C2CD3: variants seen among roughly 807,000 people sequenced by gnomAD.
The protein encoded by C2CD3 is C2 domain containing 3 centriole elongation regulator.
A neutral mutation model predicts 234.0 loss-of-function variants in C2CD3; 148 were observed. The ratio of observed to expected loss-of-function variants is 0.63; its 90% CI spans 0.55 to 0.72. The LOEUF is 0.72. Among genes scored for constraint, C2CD3 ranks in the 30% least tolerant of loss-of-function variants. The pLI is 0.00. For synonymous variants in C2CD3, 1,000 were observed against 1,035.4 expected, an observed-to-expected ratio of 0.97 and a Z score of 0.66; for missense variants, 2,577 against 2,811.5, an observed-to-expected ratio of 0.92 and a Z score of 1.89.
At chr11:74,108,603 C>T (rs1956623363) in intron 12 of C2CD3, among the ~76,000 whole-genome samples, 2 of 152,240 alleles carry the variant, frequency 1.3e-5, no homozygotes, top group Admixed American at 6.5e-5. Flanking sequence ...TAGCCTGTAT[C>T]AATATAGCTA....
At chr11:74,157,523 G>GT (rs1205376979) in intron 3 of C2CD3, among the ~76,000 whole-genome samples, 5 of 151,722 alleles carry the variant, frequency 3.3e-5, no homozygotes, top group Admixed American at 6.6e-5. Flanking sequence ...TAAATGTTAA[G>GT]TTTTTTTTCA....
chr11:74,170,196 T>C (rs1857077891), intron 1 of C2CD3, among the ~76,000 whole-genome samples: 1 of 152,148 alleles, frequency 6.6e-6, no homozygotes, highest in African/African-American at 2.4e-5. Flanking sequence ...CTATCACACC[T>C]GTCATTCCCC....
intron 24 of C2CD3, among the ~76,000 whole-genome samples, chr11:74,061,295 G>C (rs981692737): frequency 1.1e-3 from 167 of 152,238 alleles, no homozygotes; most frequent in African/African-American, 3.8e-3. Flanking sequence ...GATACTCCTC[G>C]AGAAGAGCAA....
chr11:74,113,383 GC>G (rs1956809224), intron 11 of C2CD3: 1 of 212,094 alleles, frequency 4.7e-6, no homozygotes, highest in African/African-American at 2.4e-5. Flanking sequence ...TGGTTGCACA[GC>G]CTTGAAAATA....
intron 18 of C2CD3, among the ~76,000 whole-genome samples, chr11:74,093,214 T>C (rs1435176254): frequency 2.0e-5 from 3 of 151,836 alleles, no homozygotes; most frequent in Admixed American, 6.6e-5. Context: ...TTGTCGGTGG[T>C]GCAGATGTAA....
chr11:74,040,914 ACACACACACACG>A (rs1479422063), intron 29 of C2CD3, among the ~76,000 whole-genome samples: 1 of 151,176 alleles, frequency 6.6e-6, no homozygotes, highest in Non-Finnish European at 1.5e-5. Context: ...ACACGCACAC[ACACACACACACG>A]CACACACACA....
chr11:74,077,309 T>C (rs993052231), intron 23 of C2CD3, among the ~76,000 whole-genome samples: 1 of 152,140 alleles, frequency 6.6e-6, no homozygotes, highest in Non-Finnish European at 1.5e-5. Flanking sequence ...CTAAGCACTA[T>C]GTTAAATGCA....
intron 3 of C2CD3, among the ~76,000 whole-genome samples, chr11:74,159,080 T>G (rs1420493706): frequency 6.6e-6 from 1 of 152,164 alleles, no homozygotes; most frequent in Non-Finnish European, 1.5e-5. Flanking sequence ...AAGATTATAA[T>G]AAGGTTGAAA....
chr11:74,048,291 A>C lies in C2CD3; in HGVS notation c.5409T>G (p.Ala1803=), dbSNP rs1265796295. 1 of 1,613,724 alleles carries C rather than the reference A, an allele frequency of 6.2e-7. No homozygotes were observed. Among genetic ancestry groups the C allele is most frequent in the Non-Finnish European group, 8.5e-7 (1 of 1,179,834 alleles). ...PFSFPASDTY[A]AFSSHMARQT... ...GCCTTGCCATGTGGCTGGAGAATGC[A>C]GCATACGTATCAGAGGCAGGGAAGG... The change falls in exon 28 of 33, where the codon GCT becomes GCG. Residue 1803 remains alanine, a synonymous_variant. Coordinates refer to ENST00000334126, the MANE Select transcript of C2CD3 (RefSeq NM_001286577.2).
chr11:74,084,970 G>T lies in C2CD3; in HGVS notation c.3911C>A (p.Ala1304Glu). 6.3e-7 allele frequency: 1 copy of T among 1,599,106 alleles called. No individual in the cohort carries two copies. The highest frequency in any genetic ancestry group is 8.6e-7 in the Non-Finnish European group (1 of 1,167,504). The change falls in exon 22 of 33, where the codon GCA becomes GAA. Residue 1304 changes from alanine to glutamate, a missense_variant and splice_region_variant. Physicochemically the swap from Ala to Glu is moderately radical, Grantham distance 107. Transcript: ENST00000334126. Reference sequence around the variant, plus strand: ...TGACTCAATACTGATTATATCACTTGCTGTTAAATCAAGCAAAAAAGAAAA... The same window carrying T: ...TGACTCAATACTGATTATATCACTTTCTGTTAAATCAAGCAAAAAAGAAAA... ...FAVYHENTKS[A>E]SDIISIESCK...
At chr11:74,133,128 T>C (rs1957734504) in intron 6 of C2CD3, among the ~76,000 whole-genome samples, 156 bp from the exon 7 acceptor site, 1 of 152,178 alleles carries the variant, frequency 6.6e-6, no homozygotes. Flanking sequence ...GCAAAGCTCT[T>C]TCCTACAGTA....
intron 11 of C2CD3, among the ~76,000 whole-genome samples, chr11:74,109,990 A>C (rs1956685866): frequency 1.4e-5 from 2 of 147,148 alleles, no homozygotes; most frequent in Non-Finnish European, 3.0e-5. Flanking sequence ...CTAAGGCAGG[A>C]GAGTGGCGTG....
Position 74,080,781 on chromosome 11 carries a change from G to A in C2CD3, c.4001-2064C>T, listed in dbSNP as rs180729787. On this transcript the variant is annotated intron_variant, in intron 22 of 32. Transcript: ENST00000334126. Reference sequence around the variant, plus strand: ...AAGGAAGGAAATTGAGGTATCCTACGTACCTAGCCCTGTGCCAAGATCTTT... The same window carrying A: ...AAGGAAGGAAATTGAGGTATCCTACATACCTAGCCCTGTGCCAAGATCTTT... Among the ~76,000 whole-genome samples the A allele has an allele frequency of 3.2e-3, 490 of 152,158 alleles. 3 individuals carry two copies. The Middle Eastern group carries it at 0.034, about 11-fold the overall frequency.
chr11:74,100,568 C>G lies in C2CD3; in HGVS notation c.2689G>C (p.Gly897Arg), dbSNP rs771221676. 6.2e-7 allele frequency: 1 copy of G among 1,613,858 alleles called. No individual in the cohort carries two copies. The highest frequency in any genetic ancestry group is 8.5e-7 in the Non-Finnish European group (1 of 1,179,904). Residue 897 changes from glycine to arginine, a missense_variant, in exon 15 of 33, where the codon GGG becomes CGG. Physicochemically the swap from Gly to Arg is moderately radical, Grantham distance 125. Transcript: ENST00000334126. ...TGGTGGAGGGGAAGTTTCACCAGCCCGAGCAGCTTGTCCTGTCCTGGGCTC... is the reference window on the plus strand; with the variant it reads ...TGGTGGAGGGGAAGTTTCACCAGCCGGAGCAGCTTGTCCTGTCCTGGGCTC... The part of the protein sequence containing the change: ...VRSPGQDKLL[G>R]LVKLPLHQFY...
intron 24 of C2CD3, among the ~76,000 whole-genome samples, chr11:74,068,681 G>A (rs776170681): frequency 5.9e-5 from 9 of 152,036 alleles, no homozygotes; most frequent in African/African-American, 9.7e-5. Context: ...ACTGGGCCTC[G>A]GTTTTCTCAT....
intron 3 of C2CD3, among the ~76,000 whole-genome samples, chr11:74,157,185 A>C (rs929437646): frequency 6.6e-6 from 1 of 152,262 alleles, no homozygotes; most frequent in Non-Finnish European, 1.5e-5. Context: ...AATAGACTAT[A>C]ACTTTAATAT....
chr11:74,080,181 C>A (rs1218760138), intron 22 of C2CD3, among the ~76,000 whole-genome samples: 3 of 152,044 alleles, frequency 2.0e-5, no homozygotes, highest in African/African-American at 7.2e-5. Flanking sequence ...CAATTTTCTG[C>A]GAAATGTTTT....
intron 7 of C2CD3, among the ~76,000 whole-genome samples, chr11:74,123,522 C>T (rs934583048): frequency 2.0e-5 from 3 of 151,974 alleles, no homozygotes; most frequent in Non-Finnish European, 4.4e-5. Context: ...TATTATATAT[C>T]GATTTTGCAA....
chr11:74,079,351 G>A lies in C2CD3; in HGVS notation c.4001-634C>T, dbSNP rs192497797. 1.4e-4 allele frequency among the ~76,000 whole-genome samples: 21 copies of A among 152,112 alleles called. No individual in the cohort carries two copies. In the East Asian group the frequency reaches 3.7e-3, roughly 27 times the overall value. On this transcript the variant is annotated intron_variant, in intron 22 of 32. Coordinates refer to ENST00000334126, the MANE Select transcript of C2CD3 (RefSeq NM_001286577.2). ...TGAGAATATAGGACTATATGCATGT[G>A]CTACCACGCCTGGCCATTTTCCAAA... is the stretch of plus-strand genomic sequence containing the variant.
Sources: allele counts gnomAD v4.1 joint callset (sites outside exome capture counted in the v4.1 genomes callset), GRCh38; gene constraint gnomAD v4.1.1; transcripts MANE v1.5; gene names NCBI Gene and HGNC (gene_info 2026-07-23, HGNC 2026-07-21).